The following LPP variants were observed in gnomAD, a reference collection of about 807,000 sequenced individuals.
The protein encoded by LPP is lipoma-preferred partner.
A neutral mutation model predicts 60.4 loss-of-function variants in LPP; 38 were observed. The observed-to-expected ratio is 0.63, with a 90% CI of 0.49 to 0.83. LPP has a LOEUF of 0.83. Ranked by LOEUF, LPP falls within the 40% of genes least tolerant of loss-of-function variation. The pLI, the probability that LPP is intolerant of heterozygous loss-of-function variation, is 0.00. For synonymous variants in LPP, 328 were observed against 290.8 expected, an observed-to-expected ratio of 1.13 and a Z score of -1.30; for missense variants, 902 against 783.6, an observed-to-expected ratio of 1.15 and a Z score of -1.80.
intron 9 of LPP, among the ~76,000 whole-genome samples, chr3:188,824,764 A>T (rs1184167252): frequency 6.6e-6 from 1 of 152,180 alleles, no homozygotes; most frequent in African/African-American, 2.4e-5. Context: ...AGAATCGTTA[A>T]GTACCATATG....
intron 7 of LPP, among the ~76,000 whole-genome samples, chr3:188,697,447 G>A (rs1863491512): frequency 6.6e-6 from 1 of 152,168 alleles, no homozygotes; most frequent in African/African-American, 2.4e-5. Flanking sequence ...TCACGTTCAG[G>A]CATCTGTCAA....
chr3:188,447,639 G>A (rs1349061700), intron 4 of LPP, among the ~76,000 whole-genome samples: 1 of 145,786 alleles, frequency 6.9e-6, no homozygotes, highest in Non-Finnish European at 1.5e-5. Context: ...AAATTAACCT[G>A]TCATGGTGGC....
chr3:188,271,449 G>C (rs1737699577), intron 2 of LPP, among the ~76,000 whole-genome samples: 1 of 152,214 alleles, frequency 6.6e-6, no homozygotes, highest in South Asian at 2.1e-4. Flanking sequence ...CACACCTCAA[G>C]AGACGGAATT....
intron 9 of LPP, among the ~76,000 whole-genome samples, chr3:188,851,992 T>C (rs569725173): frequency 5.9e-4 from 90 of 152,118 alleles, no homozygotes; most frequent in African/African-American, 2.0e-3. Context: ...GGCGAAAACC[T>C]GTCTCTACTA....
At chr3:188,826,183 T>A (rs1485257103) in intron 9 of LPP, among the ~76,000 whole-genome samples, 1 of 152,132 alleles carries the variant, frequency 6.6e-6, no homozygotes, top group Non-Finnish European at 1.5e-5. Flanking sequence ...AGTGGACAGG[T>A]TACCTCTAAA....
chr3:188,410,292 C>A (rs1280746495), intron 4 of LPP, among the ~76,000 whole-genome samples: 1 of 152,208 alleles, frequency 6.6e-6, no homozygotes, highest in East Asian at 1.9e-4. Flanking sequence ...CAACCCACGT[C>A]TTTGCATTAC....
At chr3:188,517,030 C>G (rs1397346658) in intron 5 of LPP, among the ~76,000 whole-genome samples, 1 of 152,072 alleles carries the variant, frequency 6.6e-6, no homozygotes, top group Non-Finnish European at 1.5e-5. Flanking sequence ...TACTCAATTG[C>G]CTGACTATTA....
intron 8 of LPP, among the ~76,000 whole-genome samples, chr3:188,751,009 C>G (rs1157517166): frequency 6.6e-6 from 1 of 152,056 alleles, no homozygotes; most frequent in African/African-American, 2.4e-5. Flanking sequence ...TGATTATAAC[C>G]CTTGCTTTGC....
At chr3:188,299,734 C>T (rs781537725) in intron 2 of LPP, among the ~76,000 whole-genome samples, 2 of 152,046 alleles carry the variant, frequency 1.3e-5, no homozygotes, top group Non-Finnish European at 2.9e-5. Flanking sequence ...GTTTTGGAAC[C>T]CTTTTAGAAA....
intron 9 of LPP, among the ~76,000 whole-genome samples, chr3:188,863,055 G>C (rs746319187): frequency 8.5e-5 from 13 of 152,138 alleles, no homozygotes; most frequent in Non-Finnish European, 1.8e-4. Flanking sequence ...GAGGTGCATA[G>C]TAAAGGTAAT....
chr3:188,228,978 T>A (rs1041001606), intron 2 of LPP, among the ~76,000 whole-genome samples: 1 of 152,226 alleles, frequency 6.6e-6, no homozygotes, highest in African/African-American at 2.4e-5. Context: ...GTAAGTTCAG[T>A]GCACAGCATC....
At position 188,740,464 on chromosome 3, in the gene LPP, T is replaced by C. The variant is rs117534663; in HGVS notation, c.1241-19649T>C. Among the ~76,000 whole-genome samples, 14 of 152,258 alleles carry C rather than the reference T, an allele frequency of 9.2e-5. No homozygotes were observed. The East Asian group carries it at 2.5e-3, about 27-fold the overall frequency. On this transcript the variant is annotated intron_variant, in intron 8 of 11. Coordinates refer to ENST00000617246, the MANE Select transcript of LPP (RefSeq NM_001375462.1). ...ATTTAATTGTGTCTCTATCCTTTCATATTAATCCATTATGAATATTTTATT... is the reference window on the plus strand; with the variant it reads ...ATTTAATTGTGTCTCTATCCTTTCACATTAATCCATTATGAATATTTTATT...
At chr3:188,676,125 A>G (rs549194291) in intron 7 of LPP, among the ~76,000 whole-genome samples, 1 of 151,704 alleles carries the variant, frequency 6.6e-6, no homozygotes, top group Non-Finnish European at 1.5e-5. Context: ...AAACGTTTTT[A>G]AAAAAAATAG....
At chr3:188,528,586 G>C (rs1041452145) in intron 6 of LPP, among the ~76,000 whole-genome samples, 13 of 152,176 alleles carry the variant, frequency 8.5e-5, no homozygotes, top group Non-Finnish European at 1.5e-4. Flanking sequence ...TATTTGGACA[G>C]TACTGATTGT....
chr3:188,696,923 A>T (rs56338027), intron 7 of LPP, among the ~76,000 whole-genome samples: 4,607 of 152,222 alleles, frequency 0.03, 253 homozygotes, highest in African/African-American at 0.1. Context: ...TTTAATATAG[A>T]TTTCATAGGA....
intron 9 of LPP, among the ~76,000 whole-genome samples, chr3:188,843,792 A>AAAAAAAAAAAAAAAAAC: frequency 6.7e-6 from 1 of 148,968 alleles, no homozygotes; most frequent in Admixed American, 6.7e-5. Context: ...GTCTCAAAAA[A>AAAAAAAAAAAAAAAAAC]AAAAAATCCT....
chr3:188,812,953 A>G (rs953614907), intron 9 of LPP, among the ~76,000 whole-genome samples: 5 of 152,064 alleles, frequency 3.3e-5, no homozygotes, highest in African/African-American at 1.2e-4. Context: ...GGGCAGGGAA[A>G]GGGAAGGAGA....
At chr3:188,354,551 G>T (rs1188438361) in intron 3 of LPP, among the ~76,000 whole-genome samples, 3 of 152,090 alleles carry the variant, frequency 2.0e-5, no homozygotes, top group African/African-American at 7.2e-5. Flanking sequence ...GTTTTTAGTG[G>T]GGAGGAATGG....
intron 2 of LPP, among the ~76,000 whole-genome samples, chr3:188,239,663 G>A (rs967774645): frequency 3.9e-5 from 6 of 152,084 alleles, no homozygotes; most frequent in African/African-American, 1.2e-4. Context: ...TCAAAGAAAG[G>A]CATTATGGAG....
Sources: gnomAD v4.1 joint callset for allele counts (sites outside exome capture counted in the v4.1 genomes callset) on GRCh38, gnomAD v4.1.1 for gene constraint, MANE v1.5 for transcripts, NCBI Gene and HGNC (gene_info 2026-07-23, HGNC 2026-07-21) for gene names.